Variants in IFI44 observed in about 807,000 individuals in gnomAD.
IFI44 encodes interferon-induced protein 44.
IFI44 carries 42 observed loss-of-function variants against 45.0 expected under a neutral mutation model. The ratio of observed to expected loss-of-function variants is 0.93; its 90% CI spans 0.73 to 1.21. The LOEUF is 1.21. IFI44 is among the 50% of genes most tolerant of loss of function. The pLI is 0.00. For missense variants in IFI44, 623 were observed against 525.8 expected, an observed-to-expected ratio of 1.18 and a Z score of -1.81; for synonymous variants, 221 against 188.6, an observed-to-expected ratio of 1.17 and a Z score of -1.41.
intron 1 of IFI44, 123 bp downstream of exon 1, chr1:78,650,028 TA>T: frequency 2.1e-6 from 1 of 470,236 alleles, no homozygotes; most frequent in Non-Finnish European, 3.7e-6. Flanking sequence ...TAATTTATAG[TA>T]AAAAATTAGC....
intron 8 of IFI44, 166 bp from the exon 9 acceptor site, chr1:78,663,599 T>C (rs764572071): frequency 1.3e-4 from 126 of 985,282 alleles, no homozygotes; most frequent in Non-Finnish European, 1.4e-4. Context: ...CTAACTTTGT[T>C]GCTCTAACTC....
chr1:78,658,107 C>G (rs1172989322), intron 5 of IFI44, among the ~76,000 whole-genome samples: 1 of 151,988 alleles, frequency 6.6e-6, no homozygotes, highest in Non-Finnish European at 1.5e-5. Context: ...TAAACTTATA[C>G]TAAAACTTCT....
rs1054204568 is a variant in IFI44 at position 78,663,026 on chromosome 1, C to T, written c.1288+148C>T. On this transcript the variant is annotated intron_variant, in intron 8 of 8. Transcript: ENST00000370747. ...TGCTTTTTAACCCACTCCCTGGATGCATTTTTCCCTCCTTGCATTTCCCTC... is the reference window on the plus strand; with the variant it reads ...TGCTTTTTAACCCACTCCCTGGATGTATTTTTCCCTCCTTGCATTTCCCTC... The T allele has an allele frequency of 7.3e-6, 11 of 1,505,612 alleles. No homozygotes were observed. In the South Asian group the frequency reaches 1.1e-4, roughly 15 times the overall value. 93.3% of individuals were successfully genotyped at this position (1,505,612 alleles called of 1,614,324 possible). A position where few individuals can be genotyped will look rare whatever the true frequency, so the allele number is the denominator to read the frequency against.
At position 78,659,481 on chromosome 1, in the gene IFI44, C is replaced by A; in HGVS notation, c.1010C>A (p.Ala337Asp). The A allele has an allele frequency of 6.2e-7, 1 of 1,609,950 alleles. No homozygotes were observed. The highest frequency in any genetic ancestry group is 8.5e-7 in the Non-Finnish European group (1 of 1,176,966). The change falls in exon 6 of 9, where the codon GCT becomes GAT. Residue 337 changes from alanine to aspartate, a missense_variant and splice_region_variant. Physicochemically the swap from Ala to Asp is moderately radical, Grantham distance 126 (BLOSUM62 -2). Transcript: ENST00000370747. ...IKRIRRELVN[A>D]GVVHVALLTH... ...AGAATTCGAAGGGAGTTGGTAAACG[C>A]TGGTGAGTCTCATTCCACTTTGCTA... is the stretch of plus-strand genomic sequence containing the variant.
chr1:78,664,015 A>T lies in IFI44; in HGVS notation c.*204A>T, dbSNP rs1305039981. On this transcript the variant is annotated 3_prime_UTR_variant, in exon 9 of 9. Coordinates refer to ENST00000370747, the MANE Select transcript of IFI44 (RefSeq NM_006417.5). ...GTCATAATTGTGAAAAATAATAATAATTTTTCTTGGATTTATGTTCTGTAT... is the reference window on the plus strand; with the variant it reads ...GTCATAATTGTGAAAAATAATAATATTTTTTCTTGGATTTATGTTCTGTAT... 9 of 396,012 alleles carry T rather than the reference A, an allele frequency of 2.3e-5. No individual in the cohort carries two copies. Among genetic ancestry groups the T allele is most frequent in the East Asian group, 3.9e-5 (1 of 25,442 alleles). 24.5% of individuals were successfully genotyped at this position (396,012 alleles called of 1,614,324 possible). A position where few individuals can be genotyped will look rare whatever the true frequency, so the allele number is the denominator to read the frequency against.
intron 7 of IFI44, among the ~76,000 whole-genome samples, chr1:78,662,415 G>A (rs1031821108): frequency 1.3e-5 from 2 of 152,128 alleles, no homozygotes; most frequent in Non-Finnish European, 2.9e-5. Context: ...TCCAGAGAAT[G>A]TTTTTTAAAA....
chr1:78,662,303 A>G lies in IFI44; in HGVS notation c.1114-401A>G, dbSNP rs190562748. ...CTGCCAACGTTTATTGACAGTGCTG[A>G]GCAGTGACAGATAAATATTTCGAAC... On this transcript the variant is annotated intron_variant, in intron 7 of 8. Transcript: ENST00000370747. 1.1e-3 allele frequency among the ~76,000 whole-genome samples: 168 copies of G among 152,348 alleles called. 2 individuals carry two copies. Among genetic ancestry groups the G allele is most frequent in the African/African-American group, 3.8e-3 (159 of 41,596 alleles).
Position 78,651,281 on chromosome 1 carries a change from T to C in IFI44, c.457+629T>C, listed in dbSNP as rs150873699. 3.0e-4 allele frequency among the ~76,000 whole-genome samples: 45 copies of C among 152,320 alleles called. No individual in the cohort carries two copies. In the East Asian group the frequency reaches 6.6e-3, roughly 22 times the overall value. On this transcript the variant is annotated intron_variant, in intron 2 of 8. Transcript: ENST00000370747. The stretch of plus-strand genomic sequence containing the variant: ...AATCAGCGGGAACCCGGAGCTTGTT[T>C]TCCTGCAACTAAACGGTCCCATCTT...
rs1557708182 is a variant in IFI44 at position 78,663,815 on chromosome 1, T to C, written c.*4T>C. The C allele has an allele frequency of 6.2e-7, 1 of 1,611,304 alleles. No individual in the cohort carries two copies. The highest frequency in any genetic ancestry group is 2.2e-5 in the East Asian group (1 of 44,746). On this transcript the variant is annotated 3_prime_UTR_variant, in exon 9 of 9. Coordinates refer to ENST00000370747, the MANE Select transcript of IFI44 (RefSeq NM_006417.5). ...CTGTGCACAAGGAAAAAAATAGATATGTGAAAGGTTCACGTAAATTTCCTC... is the reference window on the plus strand; with the variant it reads ...CTGTGCACAAGGAAAAAAATAGATACGTGAAAGGTTCACGTAAATTTCCTC...
rs772001583 is a variant in IFI44 at position 78,650,416 on chromosome 1, A to G, written c.221A>G (p.Tyr74Cys). Residue 74 changes from tyrosine to cysteine, a missense_variant, in exon 2 of 9, where the codon TAT becomes TGT. Coordinates refer to ENST00000370747, the MANE Select transcript of IFI44 (RefSeq NM_006417.5). ...GAAGAGAGTTACCAGGAAGGAAAGT[A>G]TGCTTCCATCATCCTTTTTGCACTT... ...YAEESYQEGK[Y>C]ASIILFALQD... 6.2e-7 allele frequency: 1 copy of G among 1,613,638 alleles called. No individual in the cohort carries two copies. The highest frequency in any genetic ancestry group is 8.5e-7 in the Non-Finnish European group (1 of 1,179,522).
At chr1:78,653,619 G>A (rs942459683) in intron 2 of IFI44, among the ~76,000 whole-genome samples, 10 of 151,990 alleles carry the variant, frequency 6.6e-5, no homozygotes, top group Admixed American at 1.3e-4. Flanking sequence ...TTCTGAGCCC[G>A]TGCCTTATTG....
In IFI44 at chr1:78,654,290, G is replaced by A; in HGVS notation, c.494+11G>A. 2.1e-6 allele frequency: 3 copies of A among 1,397,984 alleles called. No individual in the cohort carries two copies. Among genetic ancestry groups the A allele is most frequent in the Middle Eastern group, 1.9e-4 (1 of 5,208 alleles). The allele number at this position is 1,397,984 out of a possible 1,614,324, so 86.6% of individuals were successfully genotyped here. The stretch of plus-strand genomic sequence containing the variant: ...AAAAGGGGTCATTGAGTAAGTCAAT[G>A]TTTTTAAGATTCTATTACTCTCTTC... On this transcript the variant is annotated intron_variant, in intron 3 of 8. Transcript: ENST00000370747.
At chr1:78,659,219 T>A in intron 5 of IFI44, 93 bp from the exon 6 acceptor site, 1 of 1,018,458 alleles carries the variant, frequency 9.8e-7, no homozygotes, top group South Asian at 1.6e-5. Context: ...TCTGTTTTGT[T>A]TACCATTTGA....
rs1317232288 is a variant in IFI44 at position 78,660,662 on chromosome 1, A to G, written c.1113+8A>G. The G allele has an allele frequency of 1.3e-6, 2 of 1,553,222 alleles. No individual in the cohort carries two copies. The highest frequency in any genetic ancestry group is 2.7e-5 in the African/African-American group (2 of 73,602). On this transcript the variant is annotated splice_region_variant and intron_variant, in intron 7 of 8. Transcript: ENST00000370747. ...GAGCCTGTGAGGTCCAAGGTAATGA[A>G]TGATGCCCTTCGTAAACACATTTTC... is the stretch of plus-strand genomic sequence containing the variant.
intron 2 of IFI44, among the ~76,000 whole-genome samples, chr1:78,652,275 G>T (rs1444804283): frequency 6.6e-6 from 1 of 152,092 alleles, no homozygotes; most frequent in East Asian, 1.9e-4. Context: ...TAGAGACAGG[G>T]TTTCACCTTG....
At chr1:78,663,565 A>G (rs1454882958) in intron 8 of IFI44, 200 bp from the exon 9 acceptor site, 9 of 985,064 alleles carry the variant, frequency 9.1e-6, no homozygotes, top group Middle Eastern at 5.2e-4. Context: ...CTCTTACTCA[A>G]ATTGCTGGGA....
chr1:78,662,559 G>A, intron 7 of IFI44, 145 bp from the exon 8 acceptor site: 1 of 627,180 alleles, frequency 1.6e-6, no homozygotes, highest in Non-Finnish European at 2.8e-6. Flanking sequence ...TTCTTCAAGA[G>A]TACTTTGTGA....
chr1:78,654,977 C>T, intron 3 of IFI44, 37 bp from the exon 4 acceptor site: 1 of 1,453,466 alleles, frequency 6.9e-7, no homozygotes, highest in Non-Finnish European at 9.2e-7. Flanking sequence ...TGCGACCTAA[C>T]CTCAGTCAAT....
chr1:78,655,559 T>G lies in IFI44; in HGVS notation c.840+48T>G, dbSNP rs550830758. 9.4e-5 allele frequency: 141 copies of G among 1,502,250 alleles called. 3 individuals are homozygous for G. The South Asian group carries it at 1.6e-3, about 17-fold the overall frequency. 93.1% of individuals were successfully genotyped at this position (1,502,250 alleles called of 1,614,324 possible). On this transcript the variant is annotated intron_variant, in intron 5 of 8. Coordinates refer to ENST00000370747, the MANE Select transcript of IFI44 (RefSeq NM_006417.5). ...TTATAACTGATTTTTAAAATGCTTA[T>G]TTTTGTACAAATGTATCAGCGTTTA...
Sources: allele counts gnomAD v4.1 joint callset (sites outside exome capture counted in the v4.1 genomes callset), GRCh38; gene constraint gnomAD v4.1.1; transcripts MANE v1.5; gene names NCBI Gene and HGNC (gene_info 2026-07-23, HGNC 2026-07-21).